PLCB1: variants seen among roughly 807,000 people sequenced by gnomAD.
PLCB1 encodes the protein phospholipase C beta 1.
In PLCB1, 46 loss-of-function variants were observed where a neutral mutation model predicts 161.8. The ratio of observed to expected loss-of-function variants is 0.28; its 90% confidence interval spans 0.22 to 0.36. The LOEUF is 0.36. Ranked by LOEUF, PLCB1 falls within the 10% of genes least tolerant of loss-of-function variation. The pLI, the probability that PLCB1 is intolerant of heterozygous loss-of-function variation, is 1.00. For missense variants in PLCB1, 1,016 were observed against 1,472.5 expected, an observed-to-expected ratio of 0.69 and a Z score of 5.07; for synonymous variants, 517 against 503.7, an observed-to-expected ratio of 1.03 and a Z score of -0.35.
chr20:8,540,276 T>C (rs1032086971), intron 3 of PLCB1, among the ~76,000 whole-genome samples: 1 of 152,148 alleles, frequency 6.6e-6, no homozygotes, highest in Non-Finnish European at 1.5e-5. Context: ...TCAATAACCA[T>C]CTCATCTAGA....
At chr20:8,171,339 T>G (rs1294620286) in intron 2 of PLCB1, among the ~76,000 whole-genome samples, 1 of 152,182 alleles carries the variant, frequency 6.6e-6, no homozygotes, top group African/African-American at 2.4e-5. Flanking sequence ...AAATTGGAAT[T>G]TGAGGGAAAT....
intron 2 of PLCB1, among the ~76,000 whole-genome samples, chr20:8,253,472 G>C (rs1399189730): frequency 6.6e-6 from 1 of 151,920 alleles, no homozygotes; most frequent in Non-Finnish European, 1.5e-5. Context: ...TTTGCCACTA[G>C]GTCTGAGAAT....
At chr20:8,858,870 G>C (rs1987154724) in intron 31 of PLCB1, among the ~76,000 whole-genome samples, 1 of 129,982 alleles carries the variant, frequency 7.7e-6, no homozygotes, top group South Asian at 2.4e-4. Context: ...CCCAACTCTT[G>C]TTCTTAGGGT....
rs369777453 is a variant in PLCB1 at position 8,723,739 on chromosome 20, C to T, written c.1582-917C>T. On this transcript the variant is annotated intron_variant, in intron 15 of 31. Transcript: ENST00000338037. ...ATTAAGTAAGTTGCCCAAGGTTGCC[C>T]GGTTTCTAACTAGTGGACTTGGGAT... Among the ~76,000 whole-genome samples the T allele has an allele frequency of 2.1e-3, 318 of 152,112 alleles. 1 individual carries two copies. Among genetic ancestry groups the T allele is most frequent in the African/African-American group, 7.4e-3 (305 of 41,494 alleles).
In PLCB1 at chr20:8,646,151, A is replaced by G. The variant is rs1386931576; in HGVS notation, c.434A>G (p.Asn145Ser). The G allele has an allele frequency of 1.2e-6, 2 of 1,613,586 alleles. No homozygotes were observed. Among genetic ancestry groups the G allele is most frequent in the Non-Finnish European group, 1.7e-6 (2 of 1,179,472 alleles). Residue 145 changes from asparagine to serine, a missense_variant, in exon 5 of 32, where the codon AAC becomes AGC. By Grantham distance (46) the Asn-to-Ser change is conservative (BLOSUM62 1). Around this residue, in one of 10 missense-constraint regions of PLCB1, gnomAD observed 181 missense variants for 236.7 expected, o/e 0.76. Coordinates refer to ENST00000338037, the MANE Select transcript of PLCB1 (RefSeq NM_015192.4). Reference sequence around the variant, plus strand: ...TTGGCAACAAACCTGCTGGCCCAAAACATGTCCAGGGATGCATTTCTGGAA... The same window carrying G: ...TTGGCAACAAACCTGCTGGCCCAAAGCATGTCCAGGGATGCATTTCTGGAA... ...FSLATNLLAQ[N>S]MSRDAFLEKA...
chr20:8,515,945 T>G (rs1984089659), intron 3 of PLCB1, among the ~76,000 whole-genome samples: 2 of 152,190 alleles, frequency 1.3e-5, no homozygotes, highest in South Asian at 4.1e-4. Context: ...TCTACATGGC[T>G]GGGGAGGCCT....
intron 1 of PLCB1, among the ~76,000 whole-genome samples, chr20:8,147,770 A>T (rs1173786919): frequency 3.9e-5 from 6 of 152,136 alleles, no homozygotes; most frequent in Non-Finnish European, 8.8e-5. Context: ...TTGAACAAAG[A>T]AGGGTTAATT....
intron 2 of PLCB1, among the ~76,000 whole-genome samples, chr20:8,325,072 C>A (rs961071789): frequency 6.6e-6 from 1 of 152,156 alleles, no homozygotes; most frequent in Non-Finnish European, 1.5e-5. Context: ...AATAATCATG[C>A]CCCTACTATT....
chr20:8,594,716 A>G (rs1987269895), intron 3 of PLCB1, among the ~76,000 whole-genome samples: 1 of 152,090 alleles, frequency 6.6e-6, no homozygotes. Flanking sequence ...TAAGACAATG[A>G]CATCAATATG....
chr20:8,414,469 C>A (rs1426198452), intron 3 of PLCB1, among the ~76,000 whole-genome samples: 1 of 152,170 alleles, frequency 6.6e-6, no homozygotes, highest in African/African-American at 2.4e-5. Context: ...ATGCCTTAGA[C>A]ACACCCTCCC....
chr20:8,861,646 C>T (rs1987258191), intron 31 of PLCB1, among the ~76,000 whole-genome samples: 1 of 149,390 alleles, frequency 6.7e-6, no homozygotes, highest in African/African-American at 2.5e-5. Flanking sequence ...AGGAGAATCG[C>T]TTGAACCCGG....
In PLCB1 at chr20:8,630,299, A is replaced by G. The variant is rs557367830; in HGVS notation, c.384+1868A>G. ...ACGGGGTTTCACCATATTGACCAGG[A>G]TGGTCTTGATTGTCCTGGTTTCTGT... is the stretch of plus-strand genomic sequence containing the variant. On this transcript the variant is annotated intron_variant, in intron 4 of 31. Transcript: ENST00000338037. 2.0e-5 allele frequency among the ~76,000 whole-genome samples: 3 copies of G among 152,042 alleles called. No individual in the cohort carries two copies. In the East Asian group the frequency reaches 5.8e-4, roughly 29 times the overall value.
intron 3 of PLCB1, among the ~76,000 whole-genome samples, chr20:8,471,148 A>G (rs1041400300): frequency 6.6e-5 from 10 of 152,188 alleles, no homozygotes; most frequent in Non-Finnish European, 1.3e-4. Context: ...CCATTTTCCA[A>G]ATTGTTCCAT....
chr20:8,691,106 G>A (rs574143317), intron 10 of PLCB1, among the ~76,000 whole-genome samples: 3 of 152,096 alleles, frequency 2.0e-5, no homozygotes, highest in Non-Finnish European at 2.9e-5. Flanking sequence ...TCAAAATTTG[G>A]TTTTACTTCA....
chr20:8,559,676 G>A (rs1986080024), intron 3 of PLCB1, among the ~76,000 whole-genome samples: 1 of 151,938 alleles, frequency 6.6e-6, no homozygotes. Context: ...ACTAATATCA[G>A]TCAAAATAGA....
intron 31 of PLCB1, among the ~76,000 whole-genome samples, chr20:8,808,367 AGC>A (rs1277030698): frequency 6.6e-6 from 1 of 152,066 alleles, no homozygotes; most frequent in African/African-American, 2.4e-5. Flanking sequence ...AGAGAGAGAG[AGC>A]GCATGCACAC....
chr20:8,139,093 T>TTTG (rs1568566698), intron 1 of PLCB1, among the ~76,000 whole-genome samples: 3 of 137,044 alleles, frequency 2.2e-5, no homozygotes, highest in African/African-American at 8.3e-5. Flanking sequence ...TTTTTTTTTT[T>TTTG]TTTTTTTTTT....
At chr20:8,660,326 G>C (rs1208010222) in intron 9 of PLCB1, among the ~76,000 whole-genome samples, 1 of 152,062 alleles carries the variant, frequency 6.6e-6, no homozygotes, top group Admixed American at 6.6e-5. Flanking sequence ...TGGAGGTTTT[G>C]CCCATGTAGC....
At chr20:8,443,327 A>G (rs760938348) in intron 3 of PLCB1, among the ~76,000 whole-genome samples, 2 of 152,180 alleles carry the variant, frequency 1.3e-5, no homozygotes, top group Non-Finnish European at 1.5e-5. Context: ...GGTCCTAACC[A>G]TGGGCTCTGT....
Sources: allele counts gnomAD v4.1 joint callset (sites outside exome capture counted in the v4.1 genomes callset), GRCh38; gene constraint gnomAD v4.1.1; regional missense constraint gnomAD v4.1.1; transcripts MANE v1.5; gene names NCBI Gene and HGNC (gene_info 2026-07-23, HGNC 2026-07-21).